The following GLI2 variants were observed in gnomAD, a reference collection of about 807,000 sequenced individuals.
GLI2 encodes the protein transcription activator GLI2.
In GLI2, 22 loss-of-function variants were observed where a neutral mutation model predicts 78.9. The observed-to-expected ratio is 0.28, with a 90% confidence interval of 0.20 to 0.40. The LOEUF (loss-of-function observed/expected upper bound fraction) is 0.40. Among genes scored for constraint, GLI2 ranks in the 10% least tolerant of loss-of-function variants. The pLI, the probability that GLI2 is intolerant of heterozygous loss-of-function variation, is 1.00. For synonymous variants in GLI2, 974 were observed against 963.7 expected (o/e 1.01, Z -0.20); for missense variants, 2,097 against 2,213.2 (o/e 0.95, Z 1.05).
chr2:120,765,442 C>T (rs1488639334), intron 1 of GLI2, among the ~76,000 whole-genome samples: 1 of 152,198 alleles, frequency 6.6e-6, no homozygotes, highest in Non-Finnish European at 1.5e-5. Flanking sequence ...GAGTCAAATG[C>T]AGGAACTGGA....
chr2:120,892,374 G>A (rs966707333), intron 2 of GLI2, among the ~76,000 whole-genome samples: 1 of 152,210 alleles, frequency 6.6e-6, no homozygotes, highest in Non-Finnish European at 1.5e-5. Context: ...GGGACCTTGG[G>A]CAGGGCACAG....
At chr2:120,846,643 G>A (rs925389118) in intron 2 of GLI2, among the ~76,000 whole-genome samples, 4 of 152,230 alleles carry the variant, frequency 2.6e-5, no homozygotes, top group Admixed American at 2.0e-4. Flanking sequence ...AGAGGCAGCC[G>A]TGTTTGGTTC....
chr2:120,872,365 G>A (rs934518824), intron 2 of GLI2, among the ~76,000 whole-genome samples: 1 of 152,222 alleles, frequency 6.6e-6, no homozygotes, highest in Non-Finnish European at 1.5e-5. Context: ...CTGGAATGGT[G>A]CACTCCCCAG....
chr2:120,818,236 T>A (rs1423150861), intron 2 of GLI2, among the ~76,000 whole-genome samples: 1 of 151,972 alleles, frequency 6.6e-6, no homozygotes, highest in Non-Finnish European at 1.5e-5. Context: ...AGGGCAGGGG[T>A]GTGGAGGGTG....
chr2:120,918,324 A>G (rs905116685), intron 2 of GLI2, among the ~76,000 whole-genome samples: 2 of 152,088 alleles, frequency 1.3e-5, no homozygotes, highest in African/African-American at 4.8e-5. Context: ...CTGGGAATGG[A>G]GGAAAAGTTC....
chr2:120,925,065 C>T (rs1463529620), intron 2 of GLI2, among the ~76,000 whole-genome samples: 2 of 152,232 alleles, frequency 1.3e-5, no homozygotes, highest in African/African-American at 4.8e-5. Flanking sequence ...GCCTCCGGAG[C>T]ACCTGGTGGT....
intron 1 of GLI2, among the ~76,000 whole-genome samples, chr2:120,745,569 C>T (rs1682669978): frequency 6.6e-6 from 1 of 152,194 alleles, no homozygotes; most frequent in African/African-American, 2.4e-5. Context: ...CCTTTCACTA[C>T]TGTCCTGCAG....
At chr2:120,975,989 C>T (rs1177354943) in intron 9 of GLI2, among the ~76,000 whole-genome samples, 2 of 152,150 alleles carry the variant, frequency 1.3e-5, no homozygotes, top group African/African-American at 2.4e-5. Flanking sequence ...TAGCAGCTCC[C>T]TCCTTCCTCC....
intron 3 of GLI2, among the ~76,000 whole-genome samples, chr2:120,944,071 C>T (rs1680590249): frequency 6.6e-6 from 1 of 152,180 alleles, no homozygotes; most frequent in Non-Finnish European, 1.5e-5. Flanking sequence ...CATTCTCACT[C>T]CCAGGGACAG....
Position 120,989,851 on chromosome 2 carries a change from C to A in GLI2, c.3886C>A (p.Pro1296Thr), listed in dbSNP as rs767845340. The change falls in exon 14 of 14, where the codon CCA (proline) becomes ACA (threonine). Residue 1296 changes from proline (P) to threonine (T), a missense_variant. Around this residue, in one of 5 missense-constraint regions of GLI2, gnomAD observed 1,290 missense variants for 1,261.7 expected, o/e 1.02. Transcript: ENST00000361492. ...CCCCGATTCAGCCCTGGCTGGAGTG[C>A]CACCACCTCACCCAGTCCAGAGCTA... ...GVPDSALAGVPPPHPVQSYPQ... is the reference protein window; with the variant it reads ...GVPDSALAGVTPPHPVQSYPQ... The A allele has an allele frequency of 1.2e-5, 19 of 1,612,656 alleles. No individual in the cohort carries two copies. The South Asian group carries it at 2.1e-4, about 18-fold the overall frequency.
At chr2:120,955,183 G>A in intron 4 of GLI2, 62 bp from the exon 5 acceptor site, 4 of 532,578 alleles carry the variant, frequency 7.5e-6, no homozygotes, top group South Asian at 2.1e-5. Context: ...TTTTTTTTTG[G>A]CAGGAGAAGG....
intron 2 of GLI2, among the ~76,000 whole-genome samples, chr2:120,841,530 G>A (rs1287976242): frequency 6.6e-6 from 1 of 152,216 alleles, no homozygotes; most frequent in Non-Finnish European, 1.5e-5. Flanking sequence ...GAATCCACAA[G>A]CTTAAGGTAA....
At chr2:120,751,445 C>G (rs947965163) in intron 1 of GLI2, among the ~76,000 whole-genome samples, 2 of 152,082 alleles carry the variant, frequency 1.3e-5, no homozygotes, top group African/African-American at 4.8e-5. Flanking sequence ...GTAGCCCTGA[C>G]AAAATGATTA....
At chr2:120,909,725 A>C (rs1209457) in intron 2 of GLI2, among the ~76,000 whole-genome samples, 75,115 of 151,770 alleles carry the variant, frequency 0.49, 21,852 homozygotes, top group African/African-American at 0.82. Context: ...ATTAGCCGGG[A>C]GTGGTGGTGG....
intron 3 of GLI2, among the ~76,000 whole-genome samples, chr2:120,931,960 T>C (rs2104885969): frequency 6.6e-6 from 1 of 152,150 alleles, no homozygotes; most frequent in Middle Eastern, 3.4e-3. Flanking sequence ...AGACAGTTGG[T>C]TCCCGCCAGA....
intron 2 of GLI2, among the ~76,000 whole-genome samples, chr2:120,871,016 A>G (rs1195452849): frequency 6.6e-6 from 1 of 152,234 alleles, no homozygotes; most frequent in Admixed American, 6.5e-5. Context: ...TGAGAAAGGC[A>G]AATCCTGGGA....
chr2:120,910,611 A>G (rs1428607051), intron 2 of GLI2, among the ~76,000 whole-genome samples: 1 of 152,242 alleles, frequency 6.6e-6, no homozygotes, highest in African/African-American at 2.4e-5. Context: ...CACAAGCAGC[A>G]TGCTAACAAC....
chr2:120,982,796 T>C lies in GLI2; in HGVS notation c.1548T>C (p.Tyr516=). Residue 516 remains tyrosine (Y), a synonymous_variant, in exon 11 of 14, where the codon TAT becomes TAC. Transcript: ENST00000361492. ...GGTCCCACACCGGGGAGAAGCCATA[T>C]GTGTGTGAGCACGAGGGCTGCAACA... ...HLRSHTGEKP[Y]VCEHEGCNKA... 6.2e-7 allele frequency: 1 copy of C among 1,614,104 alleles called. No homozygotes were observed. Among genetic ancestry groups the C allele is most frequent in the Non-Finnish European group, 8.5e-7 (1 of 1,179,968 alleles).
chr2:120,829,389 G>C (rs528504846), intron 2 of GLI2, among the ~76,000 whole-genome samples: 1 of 152,338 alleles, frequency 6.6e-6, no homozygotes, highest in East Asian at 1.9e-4. Flanking sequence ...TTAGCTCAAA[G>C]GCAGTGTCAT....
Sources: allele counts gnomAD v4.1 joint callset (sites outside exome capture counted in the v4.1 genomes callset), GRCh38; gene constraint gnomAD v4.1.1; regional missense constraint gnomAD v4.1.1; transcripts MANE v1.5; gene names NCBI Gene and HGNC (gene_info 2026-07-23, HGNC 2026-07-21).